ANO10: variants seen among roughly 807,000 people sequenced by gnomAD.
ANO10 encodes anoctamin-10.
Under a neutral mutation model 74.7 loss-of-function variants are expected in ANO10, and 77 were observed. That is an observed-to-expected ratio of 1.03 (90% confidence interval 0.86 to 1.25). The LOEUF (loss-of-function observed/expected upper bound fraction) is 1.25. ANO10 is among the 50% of genes most tolerant of loss of function. The probability of loss-of-function intolerance (pLI) is 0.00; values close to 1 mark genes in which losing one functional copy is unlikely to be tolerated. For synonymous variants in ANO10, 279 were observed against 284.9 expected (o/e 0.98, Z 0.21); for missense variants, 721 against 778.1 (o/e 0.93, Z 0.87).
chr3:43,566,410 T>G (rs1396023929), intron 7 of ANO10, among the ~76,000 whole-genome samples: 1 of 152,200 alleles, frequency 6.6e-6, no homozygotes, highest in Non-Finnish European at 1.5e-5. Context: ...AAGACAGCAG[T>G]AACCTCTGCA....
intron 11 of ANO10, among the ~76,000 whole-genome samples, chr3:43,451,626 G>A (rs923869041): frequency 7.1e-6 from 1 of 141,330 alleles, no homozygotes; most frequent in Non-Finnish European, 1.6e-5. Flanking sequence ...GAAGGGTGGG[G>A]ATTAGGGGGT....
rs2081021120 is a variant in ANO10 at position 43,576,825 on chromosome 3, G to C, written c.1029C>G (p.Ala343=). The C allele has an allele frequency of 6.2e-7, 1 of 1,613,986 alleles. No homozygotes were observed. Among genetic ancestry groups the C allele is most frequent in the Admixed American group, 1.7e-5 (1 of 59,990 alleles). The change falls in exon 6 of 13, where the codon GCC becomes GCG. Residue 343 remains alanine (A), a synonymous_variant. Coordinates refer to ENST00000292246, the MANE Select transcript of ANO10 (RefSeq NM_018075.5). ...ACCCGCTGTTCTCATGTAGACCCAAGGCCCAAACCTCCATGTCGAAGTAAA... is the reference window on the plus strand; with the variant it reads ...ACCCGCTGTTCTCATGTAGACCCAACGCCCAAACCTCCATGTCGAAGTAAA... The part of the protein sequence containing the change: ...MMIYFDMEVW[A]LGLHENSGSE...
chr3:43,489,725 G>A (rs755279914), intron 11 of ANO10, among the ~76,000 whole-genome samples: 1 of 152,046 alleles, frequency 6.6e-6, no homozygotes, highest in Non-Finnish European at 1.5e-5. Flanking sequence ...GAAAGTGCAT[G>A]GCAGAAAAAA....
intron 11 of ANO10, among the ~76,000 whole-genome samples, chr3:43,436,373 AAAG>A (rs1384157099): frequency 6.6e-6 from 1 of 152,198 alleles, no homozygotes; most frequent in African/African-American, 2.4e-5. Context: ...GTCTATGAAA[AAAG>A]AAGACATTTT....
In ANO10 at chr3:43,594,736, A is replaced by G. The variant is rs182772364; in HGVS notation, c.472+3796T>C. ...GCAAGAGCAAACACATGCAAAAGCT[A>G]GCAGAAGGCAAGAAATAACTAAGAT... On this transcript the variant is annotated intron_variant, in intron 4 of 12. Coordinates refer to ENST00000292246, the MANE Select transcript of ANO10 (RefSeq NM_018075.5). Among the ~76,000 whole-genome samples the G allele has an allele frequency of 3.3e-5, 5 of 152,348 alleles. No homozygotes were observed. In the East Asian group the frequency reaches 9.6e-4, roughly 29 times the overall value.
chr3:43,485,884 G>A (rs545582659), intron 11 of ANO10: 78 of 249,008 alleles, frequency 3.1e-4, no homozygotes, highest in African/African-American at 1.3e-3. Flanking sequence ...CCTTCATGGC[G>A]TCCTCTCCGC....
At position 43,479,766 on chromosome 3, in the gene ANO10, A is replaced by G. The variant is rs184794998; in HGVS notation, c.1798-47039T>C. ...ATAGCCCACAGTGCCTGGGCCTTGG[A>G]GAACCCCAGGAGATAGAGCCTAGGA... On this transcript the variant is annotated intron_variant, in intron 11 of 12. Coordinates refer to ENST00000292246, the MANE Select transcript of ANO10 (RefSeq NM_018075.5). Among the ~76,000 whole-genome samples the G allele has an allele frequency of 2.5e-4, 38 of 152,320 alleles. No homozygotes were observed. The East Asian group carries it at 6.9e-3, about 28-fold the overall frequency.
In ANO10 at chr3:43,528,041, C is replaced by T. The variant is rs1272343950; in HGVS notation, c.1797+21679G>A. On this transcript the variant is annotated intron_variant, in intron 11 of 12. Transcript: ENST00000292246. ...AAAGACACAAGAACAATACTCACAC[C>T]TCTCACTACCAAGAAGATACTCGTT... Among the ~76,000 whole-genome samples, 175 of 151,902 alleles carry T rather than the reference C, an allele frequency of 1.2e-3. 2 individuals carry two copies. The highest frequency in any genetic ancestry group is 1.9e-4 in the Non-Finnish European group (13 of 67,962).
intron 11 of ANO10, among the ~76,000 whole-genome samples, chr3:43,528,244 A>G (rs2078297437): frequency 6.6e-6 from 1 of 151,878 alleles, no homozygotes; most frequent in African/African-American, 2.4e-5. Flanking sequence ...CAAGGTTACT[A>G]TGAAAATAAA....
At chr3:43,614,457 TACA>T (rs2082985470) in intron 1 of ANO10, among the ~76,000 whole-genome samples, 3 of 151,832 alleles carry the variant, frequency 2.0e-5, no homozygotes, top group Admixed American at 6.6e-5. Flanking sequence ...AACATAAAAA[TACA>T]ACTCATAAAA....
At chr3:43,666,097 A>G (rs906945216) in intron 1 of ANO10, among the ~76,000 whole-genome samples, 3 of 152,200 alleles carry the variant, frequency 2.0e-5, no homozygotes, top group Non-Finnish European at 4.4e-5. Flanking sequence ...CATATCTTCA[A>G]GGATTTTAAT....
intron 12 of ANO10, among the ~76,000 whole-genome samples, chr3:43,392,372 C>T (rs1438986332): frequency 6.6e-6 from 1 of 152,168 alleles, no homozygotes; most frequent in African/African-American, 2.4e-5. Flanking sequence ...CATCTATCCT[C>T]TTGTTTTTAA....
chr3:43,557,323 T>C (rs894751362), intron 9 of ANO10, among the ~76,000 whole-genome samples: 1 of 152,088 alleles, frequency 6.6e-6, no homozygotes, highest in Non-Finnish European at 1.5e-5. Context: ...GATCAAACAA[T>C]AGATTTACAA....
intron 1 of ANO10, among the ~76,000 whole-genome samples, chr3:43,649,994 T>C (rs1485367913): frequency 3.3e-5 from 5 of 151,964 alleles, no homozygotes; most frequent in African/African-American, 4.9e-5. Context: ...TTAGCCTTGC[T>C]GTCCCATGTA....
intron 2 of ANO10, among the ~76,000 whole-genome samples, chr3:43,604,645 G>T (rs1246577817): frequency 6.6e-6 from 1 of 152,008 alleles, no homozygotes; most frequent in African/African-American, 2.4e-5. Context: ...GGAAGATGCA[G>T]AACACTTTTT....
intron 1 of ANO10, among the ~76,000 whole-genome samples, chr3:43,682,184 A>G (rs1233379335): frequency 1.3e-5 from 2 of 152,192 alleles, no homozygotes; most frequent in Non-Finnish European, 2.9e-5. Context: ...GACCGCTAGC[A>G]AGACTAATAA....
chr3:43,480,955 AC>A (rs1414871522), intron 11 of ANO10, among the ~76,000 whole-genome samples: 1 of 152,138 alleles, frequency 6.6e-6, no homozygotes, highest in Non-Finnish European at 1.5e-5. Context: ...TAATAATACA[AC>A]CACTACATTG....
chr3:43,554,599 A>G (rs1158968541), intron 10 of ANO10, among the ~76,000 whole-genome samples: 1 of 152,162 alleles, frequency 6.6e-6, no homozygotes, highest in Non-Finnish European at 1.5e-5. Flanking sequence ...CCATTCCAGC[A>G]AGGGAAGAGG....
At chr3:43,671,737 A>G (rs2084061888) in intron 1 of ANO10, among the ~76,000 whole-genome samples, 1 of 152,154 alleles carries the variant, frequency 6.6e-6, no homozygotes, top group Middle Eastern at 3.2e-3. Context: ...AGAAGTTAAC[A>G]ATACAAAAGT....
Sources: gnomAD v4.1 joint callset for allele counts (sites outside exome capture counted in the v4.1 genomes callset) on GRCh38, gnomAD v4.1.1 for gene constraint, MANE v1.5 for transcripts, NCBI Gene and HGNC (gene_info 2026-07-23, HGNC 2026-07-21) for gene names.